Variants in NKAIN2 observed in about 807,000 individuals in gnomAD.
NKAIN2 encodes the protein sodium/potassium-transporting ATPase subunit beta-1-interacting protein 2.
NKAIN2 carries 14 observed loss-of-function variants against 32.6 expected under a neutral mutation model. That is an observed-to-expected ratio of 0.43 (90% CI 0.28 to 0.67). The LOEUF (loss-of-function observed/expected upper bound fraction) is 0.67. NKAIN2 is among the 30% of genes least tolerant of loss of function. NKAIN2 has a pLI of 0.17. For missense variants in NKAIN2, 198 were observed against 258.3 expected (o/e 0.77, Z 1.60); for synonymous variants, 80 against 87.2 (o/e 0.92, Z 0.46).
At chr6:124,223,153 C>T (rs538130274) in intron 1 of NKAIN2, among the ~76,000 whole-genome samples, 14 of 126,012 alleles carry the variant, frequency 1.1e-4, no homozygotes, top group Non-Finnish European at 1.9e-4. Flanking sequence ...GTGGAGGTTG[C>T]AATGAGTGGA....
chr6:124,236,367 G>A (rs1183924150), intron 1 of NKAIN2, among the ~76,000 whole-genome samples: 1 of 152,096 alleles, frequency 6.6e-6, no homozygotes, highest in Non-Finnish European at 1.5e-5. Context: ...TCACGTGTGG[G>A]TCGGAGCCCA....
At chr6:124,363,448 C>T (rs1799382836) in intron 3 of NKAIN2, among the ~76,000 whole-genome samples, 1 of 152,124 alleles carries the variant, frequency 6.6e-6, no homozygotes, top group South Asian at 2.1e-4. Flanking sequence ...TATAAATCAG[C>T]ATAGCTTTGA....
At chr6:124,478,572 G>T (rs1777323470) in intron 3 of NKAIN2, among the ~76,000 whole-genome samples, 1 of 152,112 alleles carries the variant, frequency 6.6e-6, no homozygotes, top group Non-Finnish European at 1.5e-5. Flanking sequence ...CCAAAAGAAA[G>T]GGCTCTAAAT....
At chr6:124,023,042 A>G (rs899396299) in intron 1 of NKAIN2, among the ~76,000 whole-genome samples, 6 of 151,330 alleles carry the variant, frequency 4.0e-5, no homozygotes, top group East Asian at 1.9e-4. Context: ...TTATATATAT[A>G]TATGTATGTA....
At chr6:124,686,977 C>G (rs190897559) in intron 4 of NKAIN2, among the ~76,000 whole-genome samples, 157 of 152,124 alleles carry the variant, frequency 1.0e-3, no homozygotes, top group Admixed American at 3.8e-3. Flanking sequence ...TTCCAGCCTA[C>G]ATCTTTCTCC....
chr6:123,954,524 C>A (rs947466599), intron 1 of NKAIN2, among the ~76,000 whole-genome samples: 11 of 152,154 alleles, frequency 7.2e-5, no homozygotes, highest in Non-Finnish European at 1.3e-4. Flanking sequence ...GTCACCTCTG[C>A]GTAGGATTCC....
At chr6:124,705,704 T>G (rs1775024800) in intron 4 of NKAIN2, among the ~76,000 whole-genome samples, 1 of 152,136 alleles carries the variant, frequency 6.6e-6, no homozygotes, top group Non-Finnish European at 1.5e-5. Flanking sequence ...GGGAACGAGT[T>G]TTTTTGTAGA....
At chr6:124,772,616 A>C (rs530139064) in intron 4 of NKAIN2, among the ~76,000 whole-genome samples, 21 of 152,258 alleles carry the variant, frequency 1.4e-4, no homozygotes, top group Admixed American at 6.5e-4. Flanking sequence ...TGGCTTCCCC[A>C]CCTCCTCGTA....
chr6:124,772,260 G>A (rs1046384514), intron 4 of NKAIN2, among the ~76,000 whole-genome samples: 2 of 152,148 alleles, frequency 1.3e-5, no homozygotes, highest in African/African-American at 4.8e-5. Flanking sequence ...GGGCTTTGTA[G>A]GGTGGAAGTA....
At chr6:124,180,881 T>C (rs1245686498) in intron 1 of NKAIN2, among the ~76,000 whole-genome samples, 3 of 152,084 alleles carry the variant, frequency 2.0e-5, no homozygotes, top group Admixed American at 2.0e-4. Context: ...GGATCTACTA[T>C]CGTGGGGTCT....
At chr6:124,001,800 AATATATATATATATATATAT>A (rs10567719) in intron 1 of NKAIN2, among the ~76,000 whole-genome samples, 1 of 135,142 alleles carries the variant, frequency 7.4e-6, no homozygotes, top group African/African-American at 2.8e-5. Flanking sequence ...CTTAGTTCTA[AATATATATATATATATATAT>A]ATATATATAT....
At chr6:124,286,668 G>A (rs1311169562) in intron 2 of NKAIN2, among the ~76,000 whole-genome samples, 2 of 121,108 alleles carry the variant, frequency 1.7e-5, no homozygotes, top group African/African-American at 1.0e-4. Context: ...GTGTGTGTGT[G>A]TGTGTGCGCG....
intron 1 of NKAIN2, among the ~76,000 whole-genome samples, chr6:124,002,266 G>A (rs1473594999): frequency 6.6e-6 from 1 of 152,066 alleles, no homozygotes; most frequent in African/African-American, 2.4e-5. Context: ...ATAATACGTG[G>A]TTGGGGATAG....
intron 3 of NKAIN2, among the ~76,000 whole-genome samples, chr6:124,558,682 T>C (rs941036417): frequency 5.3e-5 from 8 of 152,312 alleles, no homozygotes; most frequent in African/African-American, 1.7e-4. Context: ...ATGTGGTGGC[T>C]CAAGCCCGTA....
intron 1 of NKAIN2, among the ~76,000 whole-genome samples, chr6:123,923,278 A>G (rs905607850): frequency 3.3e-5 from 5 of 152,176 alleles, no homozygotes; most frequent in African/African-American, 1.2e-4. Context: ...GATAATTCTG[A>G]CAAAATATTC....
At chr6:124,272,552 G>A (rs1224953860) in intron 1 of NKAIN2, among the ~76,000 whole-genome samples, 2 of 152,180 alleles carry the variant, frequency 1.3e-5, no homozygotes, top group Non-Finnish European at 2.9e-5. Flanking sequence ...GAGCCATCAT[G>A]GAGAACTTCT....
intron 3 of NKAIN2, among the ~76,000 whole-genome samples, chr6:124,586,941 G>T (rs554974383): frequency 6.6e-6 from 1 of 152,186 alleles, no homozygotes; most frequent in African/African-American, 2.4e-5. Context: ...AAGGAGAATG[G>T]TCCCATTTAT....
intron 1 of NKAIN2, among the ~76,000 whole-genome samples, chr6:124,101,810 G>T (rs1289290591): frequency 2.0e-5 from 3 of 152,170 alleles, no homozygotes; most frequent in African/African-American, 7.2e-5. Context: ...AGATGCGGAT[G>T]TGAGCCCTCA....
intron 3 of NKAIN2, among the ~76,000 whole-genome samples, chr6:124,392,898 C>T (rs1562151488): frequency 1.3e-5 from 2 of 152,030 alleles, no homozygotes; most frequent in Non-Finnish European, 2.9e-5. Context: ...TCTCATTCTC[C>T]TGAAAGCTTG....
Sources: allele counts gnomAD v4.1 joint callset (sites outside exome capture counted in the v4.1 genomes callset), GRCh38; gene constraint gnomAD v4.1.1; transcripts MANE v1.5; gene names NCBI Gene and HGNC (gene_info 2026-07-23, HGNC 2026-07-21).